Variants in LINGO2 observed in about 807,000 individuals in gnomAD.
LINGO2 encodes the protein leucine-rich repeat and immunoglobulin-like domain-containing nogo receptor-interacting protein 2.
LINGO2 carries 14 observed loss-of-function variants against 30.6 expected under a neutral mutation model. The observed-to-expected ratio is 0.46, with a 90% CI of 0.30 to 0.72. The LOEUF (loss-of-function observed/expected upper bound fraction) is 0.72. LINGO2 is among the 30% of genes least tolerant of loss of function. The pLI, the probability that LINGO2 is intolerant of heterozygous loss-of-function variation, is 0.07. For missense variants in LINGO2, 729 were observed against 751.7 expected (o/e 0.97, Z 0.35); for synonymous variants, 317 against 288.5 (o/e 1.10, Z -1.00).
chr9:28,496,188 G>C (rs1819618858), intron 1 of LINGO2, among the ~76,000 whole-genome samples: 1 of 152,104 alleles, frequency 6.6e-6, no homozygotes, highest in African/African-American at 2.4e-5. Context: ...GCTTGGTGCA[G>C]AGCTGAGTTC....
chr9:28,287,613 A>T (rs1010634653), intron 4 of LINGO2, among the ~76,000 whole-genome samples: 8 of 152,188 alleles, frequency 5.3e-5, no homozygotes, highest in Non-Finnish European at 1.0e-4. Context: ...CTCGAGGAGG[A>T]AACACAGTGA....
chr9:28,882,212 A>G, the LINGO2 span, among the ~76,000 whole-genome samples: 3 of 152,232 alleles, frequency 2.0e-5, no homozygotes, highest in Non-Finnish European at 2.9e-5. Flanking sequence ...TTAATTTTGT[A>G]TAGACAGCTT....
chr9:28,069,312 T>C (rs977516607), intron 4 of LINGO2, among the ~76,000 whole-genome samples: 4 of 152,134 alleles, frequency 2.6e-5, no homozygotes, highest in Admixed American at 2.0e-4. Flanking sequence ...TGGCATATAG[T>C]CAGTGCTCAT....
the LINGO2 span, among the ~76,000 whole-genome samples, chr9:28,983,031 T>A: frequency 6.6e-6 from 1 of 151,850 alleles, no homozygotes; most frequent in East Asian, 1.9e-4. Flanking sequence ...TAATTGTAGG[T>A]ACATAAGAAA....
chr9:28,657,741 T>C (rs1310491461), intron 1 of LINGO2, among the ~76,000 whole-genome samples: 3 of 152,078 alleles, frequency 2.0e-5, no homozygotes, highest in Non-Finnish European at 4.4e-5. Context: ...TTTTCTACTA[T>C]CTATTTTGTT....
At chr9:28,646,605 T>C (rs904039339) in intron 1 of LINGO2, among the ~76,000 whole-genome samples, 4 of 152,056 alleles carry the variant, frequency 2.6e-5, no homozygotes, top group Admixed American at 6.6e-5. Context: ...CCATATGATC[T>C]GGGGAAACAC....
At chr9:28,709,575 G>A in the LINGO2 span, among the ~76,000 whole-genome samples, 1 of 151,820 alleles carries the variant, frequency 6.6e-6, no homozygotes, top group Admixed American at 6.6e-5. Context: ...GAGTAATTAT[G>A]AATCATATAT....
chr9:28,218,135 A>G (rs1820833109), intron 4 of LINGO2, among the ~76,000 whole-genome samples: 1 of 148,722 alleles, frequency 6.7e-6, no homozygotes. Flanking sequence ...ATAAATATAT[A>G]TAATTCTAAT....
chr9:28,135,674 C>T (rs1827497774), intron 4 of LINGO2, among the ~76,000 whole-genome samples: 1 of 152,050 alleles, frequency 6.6e-6, no homozygotes, highest in Non-Finnish European at 1.5e-5. Context: ...TTGCTGATCC[C>T]TCACTCAGCC....
the LINGO2 span, among the ~76,000 whole-genome samples, chr9:28,686,786 T>G: frequency 6.6e-6 from 1 of 152,112 alleles, no homozygotes; most frequent in African/African-American, 2.4e-5. Context: ...TCAGCTCTTG[T>G]TTCCTTGGCT....
At chr9:29,045,063 C>G in the LINGO2 span, among the ~76,000 whole-genome samples, 1 of 152,038 alleles carries the variant, frequency 6.6e-6, no homozygotes, top group Non-Finnish European at 1.5e-5. Context: ...ATTTTTACAA[C>G]AGTTGATTGG....
the LINGO2 span, among the ~76,000 whole-genome samples, chr9:28,889,909 T>C: frequency 0.73 from 110,792 of 151,870 alleles, 40,658 homozygotes; most frequent in Non-Finnish European, 0.78. Flanking sequence ...ATTTTGCCTA[T>C]GTTAGTTTGT....
At chr9:28,910,085 T>A in the LINGO2 span, among the ~76,000 whole-genome samples, 1 of 152,060 alleles carries the variant, frequency 6.6e-6, no homozygotes, top group Non-Finnish European at 1.5e-5. Context: ...AATTAAATTT[T>A]AAAAAATAAT....
At chr9:28,202,168 C>T (rs1820260799) in intron 4 of LINGO2, among the ~76,000 whole-genome samples, 1 of 152,156 alleles carries the variant, frequency 6.6e-6, no homozygotes, top group African/African-American at 2.4e-5. Flanking sequence ...TCCAGTATGA[C>T]TTTATTTTAG....
chr9:28,070,654 G>A (rs1360492588), intron 4 of LINGO2, among the ~76,000 whole-genome samples: 1 of 152,072 alleles, frequency 6.6e-6, no homozygotes, highest in Non-Finnish European at 1.5e-5. Flanking sequence ...TATAACTACT[G>A]TAATTATTAT....
intron 4 of LINGO2, among the ~76,000 whole-genome samples, chr9:28,107,017 TC>T (rs985837535): frequency 6.6e-6 from 1 of 152,254 alleles, no homozygotes; most frequent in African/African-American, 2.4e-5. Context: ...CATGCACCTC[TC>T]CCCCATTCCT....
At chr9:28,668,183 G>C (rs545480487) in intron 1 of LINGO2, among the ~76,000 whole-genome samples, 143 of 152,036 alleles carry the variant, frequency 9.4e-4, no homozygotes, top group African/African-American at 2.9e-3. Flanking sequence ...AAAATAATAG[G>C]CAAATAATTC....
chr9:27,992,033 C>T (rs1236595280), intron 5 of LINGO2, among the ~76,000 whole-genome samples: 2 of 152,030 alleles, frequency 1.3e-5, no homozygotes, highest in African/African-American at 4.8e-5. Flanking sequence ...GAAATTACTA[C>T]TCTGGGTATT....
chr9:28,106,084 A>C (rs141852016), intron 4 of LINGO2, among the ~76,000 whole-genome samples: 371 of 152,250 alleles, frequency 2.4e-3, no homozygotes, highest in African/African-American at 7.3e-3. Context: ...TGTGAGGGAT[A>C]TAGGTTACAT....
Sources: allele counts gnomAD v4.1 joint callset (sites outside exome capture counted in the v4.1 genomes callset), GRCh38; gene constraint gnomAD v4.1.1; transcripts MANE v1.5; gene names NCBI Gene and HGNC (gene_info 2026-07-23, HGNC 2026-07-21).